The following ADGRL2 variants were observed in gnomAD, a reference collection of about 807,000 sequenced individuals.
The protein encoded by ADGRL2 is adhesion G protein-coupled receptor L2.
ADGRL2 carries 44 observed loss-of-function variants against 157.4 expected under a neutral mutation model. The ratio of observed to expected loss-of-function variants is 0.28; its 90% CI spans 0.22 to 0.36. ADGRL2 has a LOEUF of 0.36. Ranked by LOEUF, ADGRL2 falls within the 10% of genes least tolerant of loss-of-function variation. The probability of loss-of-function intolerance (pLI) is 1.00; values close to 1 mark genes in which losing one functional copy is unlikely to be tolerated. For missense variants in ADGRL2, 1,510 were observed against 1,768.9 expected, an observed-to-expected ratio of 0.85 and a Z score of 2.63; for synonymous variants, 585 against 624.7, an observed-to-expected ratio of 0.94 and a Z score of 0.95.
intron 3 of ADGRL2, among the ~76,000 whole-genome samples, chr1:81,595,438 C>A (rs1322198634): frequency 6.6e-6 from 1 of 152,164 alleles, no homozygotes; most frequent in East Asian, 1.9e-4. Flanking sequence ...ACTGTAATGA[C>A]AGACTTCTGT....
intron 1 of ADGRL2, among the ~76,000 whole-genome samples, chr1:81,312,676 C>G (rs903887705): frequency 6.6e-6 from 1 of 151,996 alleles, no homozygotes; most frequent in Non-Finnish European, 1.5e-5. Context: ...TTGTGAAATC[C>G]TTTTGATTAG....
chr1:81,395,564 C>T (rs1460359907), intron 1 of ADGRL2, among the ~76,000 whole-genome samples: 1 of 152,066 alleles, frequency 6.6e-6, no homozygotes, highest in South Asian at 2.1e-4. Context: ...TATATAACCC[C>T]GTTTGTCTAT....
intron 1 of ADGRL2, among the ~76,000 whole-genome samples, chr1:81,751,643 A>T (rs75573048): frequency 2.6e-5 from 4 of 152,322 alleles, no homozygotes; most frequent in South Asian, 4.1e-4. Context: ...CATTATTAAG[A>T]TAAGTGGCAA....
chr1:81,771,592 C>T (rs1181353301), intron 2 of ADGRL2, among the ~76,000 whole-genome samples: 1 of 152,150 alleles, frequency 6.6e-6, no homozygotes, highest in Non-Finnish European at 1.5e-5. Context: ...ACCAACCTTA[C>T]TGTGTTTTCA....
chr1:81,464,138 C>T (rs921653731), intron 2 of ADGRL2, among the ~76,000 whole-genome samples: 7 of 152,140 alleles, frequency 4.6e-5, no homozygotes, highest in African/African-American at 1.4e-4. Flanking sequence ...TGGAAACTCC[C>T]GTCAAATACA....
At chr1:81,557,009 C>T (rs1277627602) in intron 2 of ADGRL2, 12 of 143,496 alleles carry the variant, frequency 8.4e-5, no homozygotes, top group African/African-American at 2.3e-4. Context: ...ACCGGGGAGG[C>T]GGACTCCGTC....
intron 1 of ADGRL2, among the ~76,000 whole-genome samples, chr1:81,309,550 G>A (rs1162905993): frequency 6.6e-6 from 1 of 152,022 alleles, no homozygotes; most frequent in Non-Finnish European, 1.5e-5. Context: ...TAGCAAAAGT[G>A]CTCCGATTTA....
intron 2 of ADGRL2, among the ~76,000 whole-genome samples, chr1:81,531,675 A>G (rs1187804096): frequency 2.0e-5 from 3 of 152,126 alleles, no homozygotes; most frequent in Admixed American, 2.0e-4. Flanking sequence ...GGAAAAAAAC[A>G]GAGACAGGGA....
rs781234266 is a variant in ADGRL2 at position 81,970,315 on chromosome 1, T to G, written c.2735T>G (p.Ile912Ser). The G allele has an allele frequency of 6.2e-7, 1 of 1,609,306 alleles. No homozygotes were observed. The highest frequency in any genetic ancestry group is 1.1e-5 in the South Asian group (1 of 90,252). The change falls in exon 16 of 24, where the codon ATT becomes AGT. Residue 912 changes from isoleucine (I) to serine (S), a missense_variant and splice_region_variant. This residue lies in a region of ADGRL2 where 497 missense variants were observed against 627.2 expected (regional missense o/e 0.79). Coordinates refer to ENST00000686636, the MANE Select transcript of ADGRL2 (RefSeq NM_001366006.2). ...LIGIDKTKYA[I>S]ACPIFAGLLH... ...GTTTTTTGTTCTTTTCCCCCGTAGATTGCATGCCCAATATTTGCAGGACTT... is the reference window on the plus strand; with the variant it reads ...GTTTTTTGTTCTTTTCCCCCGTAGAGTGCATGCCCAATATTTGCAGGACTT...
intron 3 of ADGRL2, among the ~76,000 whole-genome samples, chr1:81,934,456 T>C (rs2095279890): frequency 6.6e-6 from 1 of 151,938 alleles, no homozygotes; most frequent in African/African-American, 2.4e-5. Flanking sequence ...ATCTGGGCAA[T>C]TTTCAATGTA....
chr1:81,720,676 A>G (rs948797699), intron 1 of ADGRL2, among the ~76,000 whole-genome samples: 2 of 152,106 alleles, frequency 1.3e-5, no homozygotes, highest in African/African-American at 2.4e-5. Context: ...AATTTTTTCT[A>G]TATCATCATA....
chr1:81,541,018 C>T (rs1027284590), intron 2 of ADGRL2, among the ~76,000 whole-genome samples: 6 of 152,124 alleles, frequency 3.9e-5, no homozygotes, highest in Non-Finnish European at 7.3e-5. Flanking sequence ...GAGGTCCTAC[C>T]GTATGTCCAG....
At chr1:81,472,023 C>T (rs890683131) in intron 2 of ADGRL2, among the ~76,000 whole-genome samples, 7 of 152,122 alleles carry the variant, frequency 4.6e-5, no homozygotes, top group Non-Finnish European at 1.5e-5. Flanking sequence ...TTTTCCTGAA[C>T]ATACCAATTC....
At chr1:81,374,541 C>T (rs1466487460) in intron 1 of ADGRL2, among the ~76,000 whole-genome samples, 1 of 134,640 alleles carries the variant, frequency 7.4e-6, no homozygotes. Flanking sequence ...CACTGCACTC[C>T]AGCCTAAGCA....
chr1:81,688,090 C>A (rs1049523036), intron 3 of ADGRL2, among the ~76,000 whole-genome samples: 2 of 152,130 alleles, frequency 1.3e-5, no homozygotes, highest in African/African-American at 4.8e-5. Flanking sequence ...TTCTGTCTCA[C>A]AGCTCTTAAG....
intron 2 of ADGRL2, among the ~76,000 whole-genome samples, chr1:81,889,499 G>A (rs772686943): frequency 6.6e-6 from 1 of 152,202 alleles, no homozygotes; most frequent in Non-Finnish European, 1.5e-5. Context: ...GGAAGATGTG[G>A]AGGAAAGTTT....
chr1:81,472,870 A>G (rs1043932383), intron 2 of ADGRL2, among the ~76,000 whole-genome samples: 3 of 152,164 alleles, frequency 2.0e-5, no homozygotes, highest in African/African-American at 7.2e-5. Flanking sequence ...AACATTTTAC[A>G]TAAGATGATA....
intron 2 of ADGRL2, among the ~76,000 whole-genome samples, chr1:81,453,158 G>C (rs141209726): frequency 3.5e-4 from 54 of 152,198 alleles, no homozygotes; most frequent in African/African-American, 1.2e-3. Flanking sequence ...TGATACATTG[G>C]GGGAAAAAAT....
At chr1:81,434,763 A>C (rs1303845171) in intron 1 of ADGRL2, among the ~76,000 whole-genome samples, 1 of 152,202 alleles carries the variant, frequency 6.6e-6, no homozygotes, top group African/African-American at 2.4e-5. Flanking sequence ...TACCAGGCCT[A>C]CCTTGCAACC....
Sources: allele counts gnomAD v4.1 joint callset (sites outside exome capture counted in the v4.1 genomes callset), GRCh38; gene constraint gnomAD v4.1.1; regional missense constraint gnomAD v4.1.1; transcripts MANE v1.5; gene names NCBI Gene and HGNC (gene_info 2026-07-23, HGNC 2026-07-21).